Variants in MDGA1 observed in about 807,000 individuals in gnomAD.
MDGA1 encodes the protein MAM domain containing glycosylphosphatidylinositol anchor 1.
MDGA1 carries 54 observed loss-of-function variants against 101.5 expected under a neutral mutation model. The observed-to-expected ratio is 0.53, with a 90% confidence interval of 0.43 to 0.67. The LOEUF (loss-of-function observed/expected upper bound fraction) is 0.67, where lower values mean the gene tolerates loss of function less well. MDGA1 is among the 30% of genes least tolerant of loss of function. The pLI is 0.00. For missense variants in MDGA1, 1,083 were observed against 1,323.8 expected (o/e 0.82, Z 2.82); for synonymous variants, 533 against 558.3 (o/e 0.95, Z 0.64).
intron 9 of MDGA1, 98 bp downstream of exon 9, chr6:37,648,884 C>G: frequency 1.4e-6 from 2 of 1,447,856 alleles, no homozygotes; most frequent in South Asian, 1.4e-5. Flanking sequence ...AGGGGGCCAG[C>G]AGGCCCACCC....
At chr6:37,682,864 G>A (rs1342165904) in intron 1 of MDGA1, among the ~76,000 whole-genome samples, 2 of 152,330 alleles carry the variant, frequency 1.3e-5, no homozygotes, top group East Asian at 1.9e-4. Context: ...TAGAAGTGCT[G>A]CTCTGAGCCG....
chr6:37,673,598 C>A (rs564907441), intron 1 of MDGA1, among the ~76,000 whole-genome samples: 73 of 152,262 alleles, frequency 4.8e-4, no homozygotes, highest in African/African-American at 1.4e-3. Context: ...ATTAGCCCTG[C>A]CCTTCTGTGC....
intron 1 of MDGA1, among the ~76,000 whole-genome samples, chr6:37,676,437 C>T (rs1447253337): frequency 1.3e-5 from 2 of 152,226 alleles, no homozygotes; most frequent in African/African-American, 4.8e-5. Flanking sequence ...CTCAAGTAGG[C>T]TCAGCTTGGG....
At position 37,646,356 on chromosome 6, in the gene MDGA1, A is replaced by G; in HGVS notation, c.2066T>C (p.Val689Ala). 1 of 1,548,922 alleles carries G rather than the reference A, an allele frequency of 6.5e-7. No individual in the cohort carries two copies. The highest frequency in any genetic ancestry group is 8.7e-7 in the Non-Finnish European group (1 of 1,145,442). ...ACGCCGGACCGGGATGGCCTTGACCACCGCATTGTGCTGGTTCAACTGTTA... is the reference window on the plus strand; with the variant it reads ...ACGCCGGACCGGGATGGCCTTGACCGCCGCATTGTGCTGGTTCAACTGTTA... Reference protein sequence around the residue: ...SIRQLNQHNAVVKAIPVRRVE... With the variant: ...SIRQLNQHNAAVKAIPVRRVE... The change falls in exon 11 of 17, where the codon GTG (valine) becomes GCG (alanine). Residue 689 changes from valine to alanine, a missense_variant. By Grantham distance (64) the Val-to-Ala change is moderately conservative. Transcript: ENST00000434837.
chr6:37,696,525 C>A lies in MDGA1; in HGVS notation c.67+220G>T, dbSNP rs1202743366. On this transcript the variant is annotated intron_variant, in intron 1 of 16. Transcript: ENST00000434837. This position sits in a 1 kb window ranked among gnomAD's most constrained non-coding sequence, Gnocchi z 5.6. ...GCAGGGTGTGGGAAAGTGGGTGCCT[C>A]CTCCTGACATCCCGGCTTCCCACCA... Among the ~76,000 whole-genome samples, 2 of 152,226 alleles carry A rather than the reference C, an allele frequency of 1.3e-5. No homozygotes were observed. The highest frequency in any genetic ancestry group is 6.5e-5 in the Admixed American group (1 of 15,292).
rs1430106943 is a variant in MDGA1 at position 37,652,881 on chromosome 6, A to G, written c.983-541T>C. Among the ~76,000 whole-genome samples the G allele has an allele frequency of 2.0e-5, 3 of 152,262 alleles. No individual in the cohort carries two copies. The highest frequency in any genetic ancestry group is 4.4e-5 in the Non-Finnish European group (3 of 68,046). On this transcript the variant is annotated intron_variant, in intron 6 of 16. Coordinates refer to ENST00000434837, the MANE Select transcript of MDGA1 (RefSeq NM_153487.4). The surrounding 1 kb of genome is among the most constrained non-coding windows in gnomAD (Gnocchi z 4.3). ...TGGTTCTATCTAGAGAGTGGAACTG[A>G]GGAGAATTGACAATTGAATTCTTAC...
At chr6:37,650,890 C>T (rs1761345071) in intron 7 of MDGA1, among the ~76,000 whole-genome samples, 1 of 152,242 alleles carries the variant, frequency 6.6e-6, no homozygotes, top group Admixed American at 6.5e-5. Context: ...AAGAGTACAT[C>T]TCCCAGCCTG....
chr6:37,661,024 T>C (rs866889852), intron 2 of MDGA1, among the ~76,000 whole-genome samples: 1 of 152,346 alleles, frequency 6.6e-6, no homozygotes, highest in Middle Eastern at 3.4e-3. Flanking sequence ...TGCTATCTCA[T>C]AGGTGGCTAC....
At chr6:37,672,849 A>G (rs1761899261) in intron 1 of MDGA1, among the ~76,000 whole-genome samples, 1 of 152,162 alleles carries the variant, frequency 6.6e-6, no homozygotes, top group South Asian at 2.1e-4. Flanking sequence ...GAAAAGCTGA[A>G]TAAGAACGAT....
chr6:37,668,381 T>C (rs1761800864), intron 1 of MDGA1, among the ~76,000 whole-genome samples: 1 of 152,178 alleles, frequency 6.6e-6, no homozygotes, highest in African/African-American at 2.4e-5. Flanking sequence ...GTATACTCCA[T>C]GATGTAGCAA....
intron 1 of MDGA1, among the ~76,000 whole-genome samples, chr6:37,686,067 T>A (rs1381242576): frequency 2.0e-5 from 3 of 152,198 alleles, no homozygotes; most frequent in East Asian, 3.8e-4. Flanking sequence ...AGAATACAGA[T>A]ATTTTCTCAG....
chr6:37,672,376 G>T (rs1273763129), intron 1 of MDGA1, among the ~76,000 whole-genome samples: 1 of 151,750 alleles, frequency 6.6e-6, no homozygotes, highest in African/African-American at 2.4e-5. Flanking sequence ...GGAGATCGAG[G>T]CTGCAGTGAG....
At chr6:37,640,369 AG>A (rs773522007) in intron 14 of MDGA1, among the ~76,000 whole-genome samples, 5 of 151,322 alleles carry the variant, frequency 3.3e-5, no homozygotes, top group Non-Finnish European at 5.9e-5. Flanking sequence ...CTTTTTTCGG[AG>A]GGGGCGGTGC....
intron 16 of MDGA1, among the ~76,000 whole-genome samples, chr6:37,637,761 A>C (rs1331497548): frequency 6.6e-6 from 1 of 152,180 alleles, no homozygotes; most frequent in African/African-American, 2.4e-5. Flanking sequence ...ACTACCCCAA[A>C]GGACTGTTGT....
At chr6:37,642,137 T>TTATA (rs1342625730) in intron 14 of MDGA1, among the ~76,000 whole-genome samples, 1 of 103,248 alleles carries the variant, frequency 9.7e-6, no homozygotes, top group Non-Finnish European at 2.1e-5. Flanking sequence ...AGGAAATAGA[T>TTATA]TATATATATG....
At chr6:37,650,006 G>A (rs753301275) in intron 8 of MDGA1, 103 bp downstream of exon 8, 2 of 1,379,732 alleles carry the variant, frequency 1.4e-6, no homozygotes, top group South Asian at 1.2e-5. Flanking sequence ...TAGCTGGTGG[G>A]GTTTGGTTGG....
intron 2 of MDGA1, 60 bp from the exon 3 acceptor site, chr6:37,658,479 C>T (rs1761547120): frequency 6.0e-6 from 9 of 1,488,752 alleles, no homozygotes; most frequent in Non-Finnish European, 8.1e-6. Context: ...GGGGCCTCAG[C>T]GCTGAGTGCC....
chr6:37,663,532 C>G (rs1761673144), intron 2 of MDGA1, among the ~76,000 whole-genome samples: 1 of 152,236 alleles, frequency 6.6e-6, no homozygotes, highest in Admixed American at 6.5e-5. Context: ...CCCAACCTCA[C>G]TGAGTCGCAA....
Position 37,643,870 on chromosome 6 carries a change from G to A in MDGA1, c.2475C>T (p.Tyr825=). 1.2e-6 allele frequency: 2 copies of A among 1,613,978 alleles called. No homozygotes were observed. The highest frequency in any genetic ancestry group is 8.5e-7 in the Non-Finnish European group (1 of 1,179,874). The part of the protein sequence containing the change: ...GDRARLVSPL[Y]NASAKFYCVS... ...CACAGTAGAACTTGGCGCTGGCATT[G>A]TAGAGGGGACTCACTAACCTTGCAC... is the stretch of plus-strand genomic sequence containing the variant. The change falls in exon 14 of 17, where the codon TAC becomes TAT. Residue 825 remains tyrosine, a synonymous_variant. Transcript: ENST00000434837.
Sources: gnomAD v4.1 joint callset for allele counts (sites outside exome capture counted in the v4.1 genomes callset) on GRCh38, gnomAD v4.1.1 for gene constraint, Gnocchi (gnomAD v3.1) non-coding constraint, MANE v1.5 for transcripts, NCBI Gene and HGNC (gene_info 2026-07-23, HGNC 2026-07-21) for gene names.